Variants in TBCD observed in about 807,000 individuals in gnomAD.
TBCD encodes the protein tubulin-specific chaperone D.
A neutral mutation model predicts 169.3 loss-of-function variants in TBCD; 105 were observed. That is an observed-to-expected ratio of 0.62 (90% CI 0.53 to 0.73). The LOEUF (loss-of-function observed/expected upper bound fraction) is 0.73. Among genes scored for constraint, TBCD ranks in the 30% least tolerant of loss-of-function variants. The pLI, the probability that TBCD is intolerant of heterozygous loss-of-function variation, is 0.00. For missense variants in TBCD, 1,444 were observed against 1,600.1 expected (o/e 0.90, Z 1.66); for synonymous variants, 700 against 643.9 (o/e 1.09, Z -1.32).
intron 1 of TBCD, among the ~76,000 whole-genome samples, chr17:82,752,786 C>T (rs1339341110): frequency 6.6e-6 from 1 of 152,212 alleles, no homozygotes; most frequent in African/African-American, 2.4e-5. Context: ...CCCAGGCTTG[C>T]CTCCACCGAG....
chr17:82,844,267 A>G (rs2054813258), intron 13 of TBCD, among the ~76,000 whole-genome samples: 1 of 124,670 alleles, frequency 8.0e-6, no homozygotes, highest in African/African-American at 3.1e-5. Flanking sequence ...TGTGTTACCC[A>G]GGCTGGACTT....
chr17:82,897,380 T>C (rs2059559359), intron 17 of TBCD, among the ~76,000 whole-genome samples: 1 of 151,906 alleles, frequency 6.6e-6, no homozygotes, highest in Non-Finnish European at 1.5e-5. Flanking sequence ...TAGTCGGGCA[T>C]GGTGGCGCAC....
intron 13 of TBCD, among the ~76,000 whole-genome samples, chr17:82,859,124 C>T (rs1367782623): frequency 1.3e-5 from 2 of 151,726 alleles, no homozygotes; most frequent in African/African-American, 4.8e-5. Context: ...CCTGCCGGCT[C>T]TGTGTCCTCC....
chr17:82,766,373 G>A lies in TBCD; in HGVS notation c.435+5G>A. 1 of 1,607,444 alleles carries A rather than the reference G, an allele frequency of 6.2e-7. No individual in the cohort carries two copies. The highest frequency in any genetic ancestry group is 1.3e-5 in the African/African-American group (1 of 74,888). On this transcript the variant is annotated splice_donor_5th_base_variant and intron_variant, in intron 4 of 38. Transcript: ENST00000355528. ...CAGAATCCCAAGGACCATGAAGTGA[G>A]TGTCTCTGCCTCCCCCCTCGTCTCC...
At chr17:82,908,774 A>G (rs2060419501) in intron 21 of TBCD, among the ~76,000 whole-genome samples, 1 of 152,226 alleles carries the variant, frequency 6.6e-6, no homozygotes, top group South Asian at 2.1e-4. Flanking sequence ...AGTAAAATAT[A>G]AGCAGTAATA....
rs1266269779 is a variant in TBCD at position 82,840,953 on chromosome 17, GGTTTTTTTTTTTTT to G, written c.1318+26020_1318+26033del. ...ACGAGCTGGCCAGGACAGACAAACT[GGTTTTTTTTTTTTT>G]TTTTTTTTTTTTTTTTGAGACAGAG... is the stretch of plus-strand genomic sequence containing the variant. On this transcript the variant is annotated intron_variant, in intron 13 of 38. Coordinates refer to ENST00000355528, the MANE Select transcript of TBCD (RefSeq NM_005993.5). Among the ~76,000 whole-genome samples, 5 of 70,554 alleles carry G rather than the reference GGTTTTTTTTTTTTT, an allele frequency of 7.1e-5. 1 individual carries two copies. The highest frequency in any genetic ancestry group is 4.0e-4 in the East Asian group (1 of 2,480). 46.3% of individuals were successfully genotyped at this position (70,554 alleles called of 152,430 possible).
At chr17:82,876,612 A>C (rs1045055490) in intron 14 of TBCD, among the ~76,000 whole-genome samples, 3 of 152,240 alleles carry the variant, frequency 2.0e-5, no homozygotes, top group Non-Finnish European at 4.4e-5. Flanking sequence ...ATAAATGTCC[A>C]AATCAGGACA....
chr17:82,829,058 C>G (rs1385710772), intron 13 of TBCD, among the ~76,000 whole-genome samples: 1 of 147,844 alleles, frequency 6.8e-6, no homozygotes, highest in African/African-American at 2.5e-5. Context: ...CGAATGCGCA[C>G]ACACCCACAG....
At chr17:82,828,983 A>G (rs75802527) in intron 13 of TBCD, among the ~76,000 whole-genome samples, 5,492 of 123,790 alleles carry the variant, frequency 0.044, 376 homozygotes, top group African/African-American at 0.15. Context: ...ACAATCCCAT[A>G]TACCCACCCC....
At chr17:82,773,823 T>C (rs1159998900) in intron 6 of TBCD, among the ~76,000 whole-genome samples, 1 of 151,938 alleles carries the variant, frequency 6.6e-6, no homozygotes, top group Admixed American at 6.6e-5. Flanking sequence ...GCCTCCCGGT[T>C]TCACACCATT....
intron 23 of TBCD, among the ~76,000 whole-genome samples, chr17:82,912,231 C>A (rs753700098): frequency 1.3e-5 from 2 of 152,152 alleles, no homozygotes; most frequent in South Asian, 4.1e-4. Context: ...GAAGCTCAGG[C>A]GGGGGCAAGA....
intron 17 of TBCD, among the ~76,000 whole-genome samples, chr17:82,893,862 T>C (rs2059306628): frequency 6.6e-6 from 1 of 152,198 alleles, no homozygotes; most frequent in Non-Finnish European, 1.5e-5. Flanking sequence ...TTTACTCACG[T>C]GTTAAAGAGG....
intron 8 of TBCD, 52 bp downstream of exon 8, chr17:82,797,854 T>C (rs1415538085): frequency 9.5e-6 from 13 of 1,372,800 alleles, no homozygotes; most frequent in Middle Eastern, 3.6e-4. Flanking sequence ...TTTGCTCATA[T>C]ACAATCAAGT....
chr17:82,802,187 C>G (rs542615700), intron 9 of TBCD, among the ~76,000 whole-genome samples: 1 of 147,090 alleles, frequency 6.8e-6, no homozygotes, highest in Non-Finnish European at 1.5e-5. Context: ...CTGTAGCGGC[C>G]GGTGTGAACG....
intron 13 of TBCD, among the ~76,000 whole-genome samples, chr17:82,825,428 C>T (rs2052757867): frequency 6.6e-6 from 1 of 152,120 alleles, no homozygotes; most frequent in South Asian, 2.1e-4. Flanking sequence ...TATTTTTGTT[C>T]TTTGCCAAAA....
intron 1 of TBCD, among the ~76,000 whole-genome samples, chr17:82,755,511 T>C (rs2047356031): frequency 6.6e-6 from 1 of 152,068 alleles, no homozygotes; most frequent in Admixed American, 6.6e-5. Flanking sequence ...TGTACTAGAG[T>C]CAGGCTGGAA....
At position 82,927,215 on chromosome 17, in the gene TBCD, G is replaced by A; in HGVS notation, c.2501G>A (p.Gly834Glu). 6.2e-7 allele frequency: 1 copy of A among 1,614,000 alleles called. No individual in the cohort carries two copies. The highest frequency in any genetic ancestry group is 8.5e-7 in the Non-Finnish European group (1 of 1,179,890). Residue 834 changes from glycine (G) to glutamate (E), a missense_variant, in exon 29 of 39, where the codon GGA becomes GAA. Coordinates refer to ENST00000355528, the MANE Select transcript of TBCD (RefSeq NM_005993.5). ...TGCCAGACTGTTGGTGTGAAAGCAGGAGCCCCAGACGAAGCTGTGTGCGGA... is the reference window on the plus strand; with the variant it reads ...TGCCAGACTGTTGGTGTGAAAGCAGAAGCCCCAGACGAAGCTGTGTGCGGA... ...RICQTVGVKA[G>E]APDEAVCGEN...
In TBCD at chr17:82,806,706, G is replaced by C. The variant is rs79380201; in HGVS notation, c.1087+695G>C. Reference sequence around the variant, plus strand: ...GCTGCACTCTGCTCACATCCCCGCCGCTCCCTCCAGGGCAGGTTTCTCCCC... The same window carrying C: ...GCTGCACTCTGCTCACATCCCCGCCCCTCCCTCCAGGGCAGGTTTCTCCCC... On this transcript the variant is annotated intron_variant, in intron 10 of 38. Coordinates refer to ENST00000355528, the MANE Select transcript of TBCD (RefSeq NM_005993.5). The surrounding 1 kb of genome is among the most constrained non-coding windows in gnomAD (Gnocchi z 5.1). Among the ~76,000 whole-genome samples, 3,289 of 152,036 alleles carry C rather than the reference G, an allele frequency of 0.022. 123 individuals are homozygous for C. The highest frequency in any genetic ancestry group is 0.074 in the African/African-American group (3,072 of 41,438).
chr17:82,772,618 A>G, intron 6 of TBCD, 111 bp downstream of exon 6: 1 of 1,182,558 alleles, frequency 8.5e-7, no homozygotes, highest in Non-Finnish European at 1.3e-6. Flanking sequence ...GACCCCGGGA[A>G]GTCTTTGGAC....
Sources: allele counts gnomAD v4.1 joint callset (sites outside exome capture counted in the v4.1 genomes callset), GRCh38; gene constraint gnomAD v4.1.1; non-coding constraint Gnocchi (gnomAD v3.1); transcripts MANE v1.5; gene names NCBI Gene and HGNC (gene_info 2026-07-23, HGNC 2026-07-21).